Variants in WDFY2 observed in about 807,000 individuals in gnomAD.
WDFY2 encodes the protein WD repeat and FYVE domain-containing protein 2.
In WDFY2, 36 loss-of-function variants were observed where a neutral mutation model predicts 56.4. The observed-to-expected ratio is 0.64, with a 90% CI of 0.49 to 0.84. WDFY2 has a LOEUF of 0.84. Among genes scored for constraint, WDFY2 ranks in the 40% least tolerant of loss-of-function variants. The pLI is 0.00. For synonymous variants in WDFY2, 176 were observed against 183.7 expected, an observed-to-expected ratio of 0.96 and a Z score of 0.34; for missense variants, 444 against 512.2, an observed-to-expected ratio of 0.87 and a Z score of 1.29.
At chr13:51,635,295 T>A (rs1955024632) in intron 1 of WDFY2, among the ~76,000 whole-genome samples, 1 of 152,122 alleles carries the variant, frequency 6.6e-6, no homozygotes, top group African/African-American at 2.4e-5. Flanking sequence ...AATTATGACG[T>A]GATCATCATT....
chr13:51,760,043 G>A lies in WDFY2; in HGVS notation c.*274G>A, dbSNP rs536860923. On this transcript the variant is annotated 3_prime_UTR_variant, in exon 12 of 12. Transcript: ENST00000298125. ...TGTGCTGCATTGTTTTGAGTGTACCGAAAAATCTGTGTGGGGTGTTTAATT... is the reference window on the plus strand; with the variant it reads ...TGTGCTGCATTGTTTTGAGTGTACCAAAAAATCTGTGTGGGGTGTTTAATT... 20 of 353,620 alleles carry A rather than the reference G, an allele frequency of 5.7e-5. No homozygotes were observed. The highest frequency in any genetic ancestry group is 3.3e-4 in the African/African-American group (16 of 48,234). 21.9% of individuals were successfully genotyped at this position (353,620 alleles called of 1,614,324 possible).
intron 7 of WDFY2, 92 bp from the exon 8 acceptor site, chr13:51,751,218 G>A: frequency 8.3e-7 from 1 of 1,202,428 alleles, no homozygotes; most frequent in East Asian, 2.5e-5. Context: ...CTCGGAGTGA[G>A]TGAGCACATT....
Position 51,759,891 on chromosome 13 carries a change from G to A in WDFY2, c.*122G>A. ...AAGAAAGAAACTAAAGACCCTGAAT[G>A]AATTTGCAGATTACCCATGTGCACA... is the stretch of plus-strand genomic sequence containing the variant. On this transcript the variant is annotated 3_prime_UTR_variant, in exon 12 of 12. Transcript: ENST00000298125. 4.5e-6 allele frequency: 5 copies of A among 1,122,460 alleles called. No homozygotes were observed. The highest frequency in any genetic ancestry group is 6.5e-6 in the Non-Finnish European group (5 of 769,564). The allele number at this position is 1,122,460 out of a possible 1,614,324, so 69.5% of individuals were successfully genotyped here. A position where few individuals can be genotyped will look rare whatever the true frequency, so the allele number is the denominator to read the frequency against.
At chr13:51,652,694 G>T (rs1440416174) in intron 1 of WDFY2, among the ~76,000 whole-genome samples, 1 of 152,160 alleles carries the variant, frequency 6.6e-6, no homozygotes, top group Non-Finnish European at 1.5e-5. Flanking sequence ...GAAATTCTGG[G>T]TTGAAAATTC....
intron 1 of WDFY2, among the ~76,000 whole-genome samples, chr13:51,645,694 C>A (rs1955250539): frequency 6.6e-6 from 1 of 152,152 alleles, no homozygotes; most frequent in Non-Finnish European, 1.5e-5. Flanking sequence ...AAGGATTATT[C>A]TTCTGCCTCT....
At chr13:51,592,122 C>A (rs2138289138) in intron 1 of WDFY2, 1 of 151,262 alleles carries the variant, frequency 6.6e-6, no homozygotes, top group Non-Finnish European at 1.5e-5. Flanking sequence ...GGCACATGTA[C>A]CCTAAAACTT....
rs745602161 is a variant in WDFY2 at position 51,755,464 on chromosome 13, G to A, written c.933+5G>A. 2 of 1,612,460 alleles carry A rather than the reference G, an allele frequency of 1.2e-6. No homozygotes were observed. The highest frequency in any genetic ancestry group is 1.3e-5 in the African/African-American group (1 of 75,032). On this transcript the variant is annotated splice_donor_5th_base_variant and intron_variant, in intron 9 of 11. Transcript: ENST00000298125. Reference sequence around the variant, plus strand: ...AAGAAAATTGGTCTAAGACAGGTGAGTGATATGGATGCTTCATCAAAATGT... The same window carrying A: ...AAGAAAATTGGTCTAAGACAGGTGAATGATATGGATGCTTCATCAAAATGT...
Position 51,740,347 on chromosome 13 carries a change from G to A in WDFY2, c.725+1172G>A, listed in dbSNP as rs150905238. 4.9e-3 allele frequency among the ~76,000 whole-genome samples: 753 copies of A among 152,292 alleles called. 5 individuals carry two copies. Among genetic ancestry groups the A allele is most frequent in the African/African-American group, 0.014 (589 of 41,566 alleles). On this transcript the variant is annotated intron_variant, in intron 7 of 11. Coordinates refer to ENST00000298125, the MANE Select transcript of WDFY2 (RefSeq NM_052950.4). ...TTCATTAGAGGAATCATTCCCTTAC[G>A]TTTATCTTTATGACAAGGGAACACA...
At chr13:51,683,574 T>C (rs1277618576) in intron 3 of WDFY2, among the ~76,000 whole-genome samples, 1 of 152,236 alleles carries the variant, frequency 6.6e-6, no homozygotes, top group Non-Finnish European at 1.5e-5. Flanking sequence ...AGCAGAGTCA[T>C]GAAATATATC....
chr13:51,645,217 G>A (rs777499977), intron 1 of WDFY2, among the ~76,000 whole-genome samples: 2 of 150,910 alleles, frequency 1.3e-5, no homozygotes, highest in African/African-American at 2.4e-5. Flanking sequence ...TTTGCAGATC[G>A]CTAGGGGCTG....
At chr13:51,720,024 G>A (rs1952452597) in intron 5 of WDFY2, among the ~76,000 whole-genome samples, 1 of 152,184 alleles carries the variant, frequency 6.6e-6, no homozygotes, top group Non-Finnish European at 1.5e-5. Context: ...TGTAGCATGT[G>A]TGGATGCAGG....
intron 2 of WDFY2, among the ~76,000 whole-genome samples, chr13:51,673,240 T>A (rs932571274): frequency 1.3e-5 from 2 of 152,200 alleles, no homozygotes; most frequent in African/African-American, 4.8e-5. Context: ...AAAAGTATTT[T>A]AAATCACATT....
intron 1 of WDFY2, among the ~76,000 whole-genome samples, chr13:51,650,841 T>C (rs983195482): frequency 1.3e-5 from 2 of 152,220 alleles, no homozygotes; most frequent in Non-Finnish European, 2.9e-5. Context: ...GATTTTTGGA[T>C]CGACATTCAT....
At chr13:51,669,640 AT>A (rs559747989) in intron 2 of WDFY2, among the ~76,000 whole-genome samples, 3 of 152,270 alleles carry the variant, frequency 2.0e-5, no homozygotes, top group African/African-American at 2.4e-5. Flanking sequence ...AACTGTAATC[AT>A]TTTTTTCCCT....
intron 3 of WDFY2, among the ~76,000 whole-genome samples, chr13:51,701,700 G>A (rs745874790): frequency 2.0e-5 from 3 of 151,704 alleles, no homozygotes; most frequent in African/African-American, 2.4e-5. Flanking sequence ...CCTCTATTAC[G>A]TTGTGTTATT....
chr13:51,712,661 T>A (rs1952248347), intron 4 of WDFY2, among the ~76,000 whole-genome samples: 1 of 146,390 alleles, frequency 6.8e-6, no homozygotes, highest in African/African-American at 2.5e-5. Context: ...AAACAGAAAA[T>A]AGAGAAAAAT....
At chr13:51,747,835 TTC>T in intron 7 of WDFY2, among the ~76,000 whole-genome samples, 1 of 152,326 alleles carries the variant, frequency 6.6e-6, no homozygotes, top group South Asian at 2.1e-4. Context: ...CTCACCACAT[TTC>T]TCTTTTTGTA....
rs1350741911 is a variant in WDFY2 at position 51,765,175 on chromosome 13, A to G, written c.*5406A>G. 1 of 152,262 alleles carries G rather than the reference A, an allele frequency of 6.6e-6. No homozygotes were observed. Among genetic ancestry groups the G allele is most frequent in the Non-Finnish European group, 1.5e-5 (1 of 68,054 alleles). The allele number at this position is 152,262 out of a possible 1,614,324, so 9.4% of individuals were successfully genotyped here. A position where few individuals can be genotyped will look rare whatever the true frequency, so the allele number is the denominator to read the frequency against. ...GGGCATGGCAGCGCCTGTCTTTGCTATCACATCATTTGCCTTTTCCTTGTA... is the reference window on the plus strand; with the variant it reads ...GGGCATGGCAGCGCCTGTCTTTGCTGTCACATCATTTGCCTTTTCCTTGTA... On this transcript the variant is annotated 3_prime_UTR_variant, in exon 12 of 12. Transcript: ENST00000298125.
At chr13:51,597,744 G>T (rs1273083299) in intron 1 of WDFY2, among the ~76,000 whole-genome samples, 1 of 152,180 alleles carries the variant, frequency 6.6e-6, no homozygotes, top group Non-Finnish European at 1.5e-5. Flanking sequence ...TACAAAAGAA[G>T]TAAGGTTTTA....
Sources: gnomAD v4.1 joint callset for allele counts (sites outside exome capture counted in the v4.1 genomes callset) on GRCh38, gnomAD v4.1.1 for gene constraint, MANE v1.5 for transcripts, NCBI Gene and HGNC (gene_info 2026-07-23, HGNC 2026-07-21) for gene names.